Variants in SPON1 observed in about 807,000 individuals in gnomAD.
SPON1 encodes the protein spondin 1.
A neutral mutation model predicts 111.7 loss-of-function variants in SPON1; 52 were observed. That is an observed-to-expected ratio of 0.47 (90% CI 0.37 to 0.59). The LOEUF is 0.59. Ranked by LOEUF, SPON1 falls within the 20% of genes least tolerant of loss-of-function variation. The probability of loss-of-function intolerance (pLI) is 0.00; values close to 1 mark genes in which losing one functional copy is unlikely to be tolerated. For missense variants in SPON1, 957 were observed against 1,068.5 expected (o/e 0.90, Z 1.46); for synonymous variants, 410 against 395.8 (o/e 1.04, Z -0.43).
chr11:14,170,175 C>T (rs1438266689), intron 6 of SPON1, among the ~76,000 whole-genome samples: 1 of 152,104 alleles, frequency 6.6e-6, no homozygotes, highest in Admixed American at 6.5e-5. Flanking sequence ...TTACATTGAG[C>T]AGTGGTTTGT....
At chr11:14,103,436 A>G (rs1418915130) in intron 5 of SPON1, among the ~76,000 whole-genome samples, 1 of 152,208 alleles carries the variant, frequency 6.6e-6, no homozygotes, top group Non-Finnish European at 1.5e-5. Context: ...TCTGGGTTGC[A>G]GGACAGGCAA....
intron 6 of SPON1, among the ~76,000 whole-genome samples, chr11:14,176,334 G>A (rs1014345785): frequency 9.2e-5 from 14 of 151,980 alleles, no homozygotes; most frequent in Non-Finnish European, 1.3e-4. Context: ...CCTATTCTCC[G>A]TCTGAGAAAC....
At chr11:14,030,734 G>A (rs1387653245) in intron 2 of SPON1, among the ~76,000 whole-genome samples, 3 of 152,194 alleles carry the variant, frequency 2.0e-5, no homozygotes, top group Non-Finnish European at 4.4e-5. Context: ...CGGAGAAAAG[G>A]GAACACTTGT....
intron 6 of SPON1, among the ~76,000 whole-genome samples, chr11:14,147,231 A>C (rs1362555589): frequency 4.6e-5 from 7 of 151,436 alleles, no homozygotes; most frequent in African/African-American, 1.7e-4. Flanking sequence ...ACAGGGTTTC[A>C]CCTTGTTGGT....
At chr11:14,264,547 G>C (rs1554942257) in intron 15 of SPON1, among the ~76,000 whole-genome samples, 1 of 152,188 alleles carries the variant, frequency 6.6e-6, no homozygotes, top group African/African-American at 2.4e-5. Flanking sequence ...CTCCTTGATG[G>C]TTCAGGATCC....
chr11:14,266,693 GTACTT>G lies in SPON1; in HGVS notation c.*1009_*1013del, dbSNP rs781825373. The stretch of plus-strand genomic sequence containing the variant: ...ATTCCTTCAACAAAATACAATCTCT[GTACTT>G]TAAAGTTATTTTAGTCATGAAATTT... On this transcript the variant is annotated 3_prime_UTR_variant, in exon 16 of 16. Coordinates refer to ENST00000576479, the MANE Select transcript of SPON1 (RefSeq NM_006108.4). The G allele has an allele frequency of 6.6e-6, 1 of 152,112 alleles. No homozygotes were observed. Among genetic ancestry groups the G allele is most frequent in the Non-Finnish European group, 1.5e-5 (1 of 68,032 alleles). 9.4% of individuals were successfully genotyped at this position (152,112 alleles called of 1,614,324 possible).
intron 4 of SPON1, among the ~76,000 whole-genome samples, chr11:14,078,313 C>T (rs1399468910): frequency 6.6e-6 from 1 of 152,118 alleles, no homozygotes; most frequent in Non-Finnish European, 1.5e-5. Context: ...ATCCGAAAGC[C>T]CTTTTGATAA....
At chr11:14,207,455 C>T (rs529143065) in intron 6 of SPON1, among the ~76,000 whole-genome samples, 1 of 152,252 alleles carries the variant, frequency 6.6e-6, no homozygotes, top group South Asian at 2.1e-4. Context: ...ATTTTGCAAA[C>T]TGTGCATCCA....
At chr11:14,149,799 A>G (rs1270067129) in intron 6 of SPON1, among the ~76,000 whole-genome samples, 2 of 152,222 alleles carry the variant, frequency 1.3e-5, no homozygotes, top group Non-Finnish European at 2.9e-5. Context: ...CATATAGCCT[A>G]GGTGTGTAGT....
At chr11:14,188,906 A>T (rs1245644695) in intron 6 of SPON1, among the ~76,000 whole-genome samples, 1 of 152,250 alleles carries the variant, frequency 6.6e-6, no homozygotes, top group East Asian at 1.9e-4. Flanking sequence ...TCTTAGCCAA[A>T]CATCTCATTA....
intron 3 of SPON1, among the ~76,000 whole-genome samples, chr11:14,071,431 G>T (rs1182764351): frequency 6.6e-6 from 1 of 151,902 alleles, no homozygotes; most frequent in Non-Finnish European, 1.5e-5. Context: ...TCTTACCTAG[G>T]CCAGCAACTC....
At chr11:14,053,743 G>T (rs1848724576) in intron 3 of SPON1, among the ~76,000 whole-genome samples, 1 of 152,150 alleles carries the variant, frequency 6.6e-6, no homozygotes, top group African/African-American at 2.4e-5. Context: ...AGTAGAAAAG[G>T]ACAAAGAAAT....
chr11:13,993,936 A>G (rs1167943510), intron 2 of SPON1, among the ~76,000 whole-genome samples: 1 of 152,046 alleles, frequency 6.6e-6, no homozygotes, highest in Non-Finnish European at 1.5e-5. Context: ...CACTCTGCCA[A>G]TCAAAGGAAA....
chr11:14,171,669 C>T (rs1848102569), intron 6 of SPON1, among the ~76,000 whole-genome samples: 2 of 152,156 alleles, frequency 1.3e-5, no homozygotes, highest in African/African-American at 4.8e-5. Flanking sequence ...TTGAATGTGT[C>T]CCAGAGATTC....
intron 4 of SPON1, among the ~76,000 whole-genome samples, chr11:14,076,891 C>T (rs1554921513): frequency 6.6e-6 from 1 of 152,200 alleles, no homozygotes; most frequent in East Asian, 1.9e-4. Flanking sequence ...TGGACACCAC[C>T]ACACGTGTCT....
intron 6 of SPON1, among the ~76,000 whole-genome samples, chr11:14,159,983 A>G (rs555753952): frequency 5.1e-4 from 77 of 152,222 alleles, no homozygotes; most frequent in African/African-American, 1.7e-3. Flanking sequence ...TTGATAGCAT[A>G]ATAGGTGAAT....
intron 3 of SPON1, among the ~76,000 whole-genome samples, chr11:14,059,543 G>A (rs577269879): frequency 2.6e-5 from 4 of 152,200 alleles, no homozygotes; most frequent in Middle Eastern, 3.4e-3. Context: ...TAGGAACTGG[G>A]GAGGAAAGGA....
chr11:13,994,824 A>T (rs1320910630), intron 2 of SPON1, among the ~76,000 whole-genome samples: 1 of 152,224 alleles, frequency 6.6e-6, no homozygotes, highest in African/African-American at 2.4e-5. Context: ...AGGATGTATC[A>T]TAGGAGCATA....
At chr11:14,051,677 C>G (rs1554918616) in intron 3 of SPON1, among the ~76,000 whole-genome samples, 2 of 152,182 alleles carry the variant, frequency 1.3e-5, no homozygotes, top group East Asian at 3.8e-4. Flanking sequence ...CTTAGACTTT[C>G]CAGCCCCCAG....
Sources: allele counts gnomAD v4.1 joint callset (sites outside exome capture counted in the v4.1 genomes callset), GRCh38; gene constraint gnomAD v4.1.1; transcripts MANE v1.5; gene names NCBI Gene and HGNC (gene_info 2026-07-23, HGNC 2026-07-21).